Variants in CENPP observed in about 807,000 individuals in gnomAD.
CENPP encodes centromere protein P.
A neutral mutation model predicts 35.6 loss-of-function variants in CENPP; 24 were observed. The observed-to-expected ratio is 0.67, with a 90% CI of 0.49 to 0.95. CENPP has a LOEUF of 0.95. Ranked by LOEUF, CENPP falls within the 40% of genes least tolerant of loss-of-function variation. The pLI is 0.00. For synonymous variants in CENPP, 120 were observed against 125.5 expected, an observed-to-expected ratio of 0.96 and a Z score of 0.29; for missense variants, 332 against 345.3, an observed-to-expected ratio of 0.96 and a Z score of 0.31.
intron 5 of CENPP, among the ~76,000 whole-genome samples, chr9:92,594,678 G>A (rs534094879): frequency 6.6e-6 from 1 of 152,126 alleles, no homozygotes; most frequent in East Asian, 1.9e-4. Flanking sequence ...TTTGTGGCCA[G>A]GCATGGTAGC....
At chr9:92,531,902 A>C (rs1376079346) in intron 5 of CENPP, among the ~76,000 whole-genome samples, 1 of 151,234 alleles carries the variant, frequency 6.6e-6, no homozygotes, top group Non-Finnish European at 1.5e-5. Context: ...TTCTTTCAGC[A>C]TTGTGAAGAT....
chr9:92,551,153 T>C (rs538040975), intron 5 of CENPP, among the ~76,000 whole-genome samples: 10 of 152,268 alleles, frequency 6.6e-5, no homozygotes, highest in East Asian at 1.9e-4. Flanking sequence ...GCGGAGCCCA[T>C]GTCACAAACC....
chr9:92,531,538 C>A (rs1201336469), intron 5 of CENPP, among the ~76,000 whole-genome samples: 2 of 152,034 alleles, frequency 1.3e-5, no homozygotes, highest in African/African-American at 4.8e-5. Context: ...CCAGATAATT[C>A]TTTTTTTATG....
At chr9:92,495,020 A>G (rs2131130232) in intron 5 of CENPP, among the ~76,000 whole-genome samples, 1 of 151,900 alleles carries the variant, frequency 6.6e-6, no homozygotes, top group Non-Finnish European at 1.5e-5. Flanking sequence ...TCTCAGTTTT[A>G]TATGAGATAA....
chr9:92,401,051 T>C, intron 5 of CENPP: 1 of 947,980 alleles, frequency 1.1e-6, no homozygotes. Context: ...TTATAGCTAT[T>C]TTTAAAAGAT....
At chr9:92,440,135 C>T (rs1327777553) in intron 5 of CENPP, among the ~76,000 whole-genome samples, 1 of 152,158 alleles carries the variant, frequency 6.6e-6, no homozygotes, top group Non-Finnish European at 1.5e-5. Context: ...GCAACATATC[C>T]ACACTATATA....
At chr9:92,527,527 C>T (rs1339712254) in intron 5 of CENPP, among the ~76,000 whole-genome samples, 1 of 152,184 alleles carries the variant, frequency 6.6e-6, no homozygotes, top group Non-Finnish European at 1.5e-5. Flanking sequence ...GTATCCTTGT[C>T]GCTAAGTGAC....
intron 5 of CENPP, among the ~76,000 whole-genome samples, chr9:92,418,312 C>T (rs1376249269): frequency 6.6e-6 from 1 of 151,858 alleles, no homozygotes; most frequent in Non-Finnish European, 1.5e-5. Context: ...GTCTCTAACT[C>T]CTGACCTCAG....
intron 4 of CENPP, among the ~76,000 whole-genome samples, chr9:92,348,480 C>A (rs1413624162): frequency 2.6e-5 from 4 of 151,614 alleles, no homozygotes. Flanking sequence ...GCAACCTCTG[C>A]CTCCCGGGTT....
chr9:92,607,209 T>TTA lies in CENPP; in HGVS notation c.565-4105_565-4104insTA, dbSNP rs1554692158. ...AGTAAGCATTGAAGTTTGTTTTTTT[T>TTA]ATCATGTGAATATCCAATTGGCCCA... is the stretch of plus-strand genomic sequence containing the variant. On this transcript the variant is annotated intron_variant, in intron 5 of 7. Transcript: ENST00000375587. Among the ~76,000 whole-genome samples the TTA allele has an allele frequency of 2.6e-5, 4 of 152,180 alleles. No individual in the cohort carries two copies. In the South Asian group the frequency reaches 6.2e-4, roughly 24 times the overall value.
At chr9:92,540,124 A>G (rs1849282558) in intron 5 of CENPP, among the ~76,000 whole-genome samples, 1 of 152,216 alleles carries the variant, frequency 6.6e-6, no homozygotes, top group Non-Finnish European at 1.5e-5. Context: ...TTTGATACCA[A>G]CCTTCCCATT....
In CENPP at chr9:92,441,713, C is replaced by T. The variant is rs187671350; in HGVS notation, c.564+61854C>T. Among the ~76,000 whole-genome samples, 6 of 152,204 alleles carry T rather than the reference C, an allele frequency of 3.9e-5. No individual in the cohort carries two copies. In the South Asian group the frequency reaches 1.0e-3, roughly 26 times the overall value. On this transcript the variant is annotated intron_variant, in intron 5 of 7. Coordinates refer to ENST00000375587, the MANE Select transcript of CENPP (RefSeq NM_001012267.3). ...GGTGGAGGTTGCAGTGAGCCGAGAT[C>T]GCGCCACTGCACTCCAGCCTAGGTG...
intron 5 of CENPP, among the ~76,000 whole-genome samples, chr9:92,428,929 G>A (rs1396890486): frequency 1.3e-5 from 2 of 150,440 alleles, no homozygotes; most frequent in African/African-American, 4.8e-5. Flanking sequence ...GACCTTTGAA[G>A]GAGCTTCTCT....
At chr9:92,474,940 G>C (rs3739606) in intron 5 of CENPP, 1 of 1,533,446 alleles carries the variant, frequency 6.5e-7, no homozygotes. Flanking sequence ...AAACAGACAT[G>C]GGATATTAAA....
chr9:92,493,998 G>A (rs905019042), intron 5 of CENPP: 78 of 1,396,130 alleles, frequency 5.6e-5, no homozygotes, highest in East Asian at 3.0e-4. Context: ...TCAGGCCCCA[G>A]TGTGCTCGTC....
chr9:92,485,232 C>T (rs1035667680), intron 5 of CENPP, among the ~76,000 whole-genome samples: 1 of 152,176 alleles, frequency 6.6e-6, no homozygotes, highest in Non-Finnish European at 1.5e-5. Flanking sequence ...GAAAAATCTT[C>T]CATTTTTGTT....
intron 5 of CENPP, among the ~76,000 whole-genome samples, chr9:92,462,695 G>A (rs891796006): frequency 2.6e-5 from 4 of 152,168 alleles, no homozygotes; most frequent in Admixed American, 2.6e-4. Context: ...AAACTAGGGA[G>A]CAGAAAAATA....
chr9:92,418,087 CTTTTTCTTTTTA>C (rs1346890455), intron 5 of CENPP, among the ~76,000 whole-genome samples: 1 of 147,578 alleles, frequency 6.8e-6, no homozygotes, highest in Admixed American at 6.8e-5. Flanking sequence ...TTTTCTTTTT[CTTTTTCTTTTTA>C]TTTTTGAGAT....
At chr9:92,546,412 T>C (rs988067705) in intron 5 of CENPP, among the ~76,000 whole-genome samples, 2 of 152,206 alleles carry the variant, frequency 1.3e-5, no homozygotes, top group Non-Finnish European at 2.9e-5. Context: ...GGGTCCACGC[T>C]GACTTTATGA....
Sources: allele counts gnomAD v4.1 joint callset (sites outside exome capture counted in the v4.1 genomes callset), GRCh38; gene constraint gnomAD v4.1.1; transcripts MANE v1.5; gene names NCBI Gene and HGNC (gene_info 2026-07-23, HGNC 2026-07-21).